BCAT1: variants seen among roughly 807,000 people sequenced by gnomAD.
BCAT1 encodes branched-chain-amino-acid aminotransferase, cytosolic.
A neutral mutation model predicts 52.4 loss-of-function variants in BCAT1; 48 were observed. The observed-to-expected ratio is 0.92, with a 90% CI of 0.73 to 1.16. The LOEUF is 1.16. Among genes scored for constraint, BCAT1 ranks in the 50% most tolerant of loss-of-function variants. BCAT1 has a pLI of 0.00. For missense variants in BCAT1, 451 were observed against 457.1 expected (o/e 0.99, Z 0.12); for synonymous variants, 167 against 161.3 (o/e 1.04, Z -0.27).
chr12:24,885,077 G>A (rs192036417), intron 3 of BCAT1, among the ~76,000 whole-genome samples: 99 of 152,200 alleles, frequency 6.5e-4, no homozygotes, highest in Admixed American at 1.2e-3. Context: ...TGTACAACCA[G>A]TATAAAGCAA....
At chr12:24,924,094 CT>C (rs36124065) in intron 1 of BCAT1, among the ~76,000 whole-genome samples, 5 of 152,190 alleles carry the variant, frequency 3.3e-5, no homozygotes, top group African/African-American at 7.2e-5. Flanking sequence ...CGTTTCCTCC[CT>C]TTTTTTCCCC....
At chr12:24,834,123 G>A (rs990708253) in intron 8 of BCAT1, 27 of 978,472 alleles carry the variant, frequency 2.8e-5, no homozygotes, top group African/African-American at 3.5e-5. Context: ...ACTGTGCACG[G>A]CTTACCTATA....
chr12:24,849,982 C>T (rs2139465517), intron 5 of BCAT1, 33 bp from the exon 6 acceptor site: 1 of 1,549,396 alleles, frequency 6.5e-7, no homozygotes, highest in East Asian at 2.3e-5. Flanking sequence ...ACAACTGTAA[C>T]TTAAAATGTG....
At position 24,894,484 on chromosome 12, in the gene BCAT1, G is replaced by T. The variant is rs764023145; in HGVS notation, c.79-9C>A. 8.3e-6 allele frequency: 13 copies of T among 1,568,648 alleles called. No individual in the cohort carries two copies. The highest frequency in any genetic ancestry group is 1.7e-4 in the Middle Eastern group (1 of 5,992). ...ACTATTAGGTCTTTAGCCTGGGGAA[G>T]AAAAATCATCACTATTTACAGAAAA... On this transcript the variant is annotated splice_polypyrimidine_tract_variant and intron_variant, in intron 2 of 10. Coordinates refer to ENST00000261192, the MANE Select transcript of BCAT1 (RefSeq NM_005504.7).
At chr12:24,861,174 C>G (rs1941839564) in intron 5 of BCAT1, among the ~76,000 whole-genome samples, 1 of 151,992 alleles carries the variant, frequency 6.6e-6, no homozygotes, top group African/African-American at 2.4e-5. Flanking sequence ...TTAGATTGAC[C>G]CTGTTTGTTC....
At chr12:24,873,269 T>A (rs530127691) in intron 5 of BCAT1, among the ~76,000 whole-genome samples, 1 of 152,238 alleles carries the variant, frequency 6.6e-6, no homozygotes, top group African/African-American at 2.4e-5. Context: ...CCAACTGATA[T>A]GTAATCAGCA....
chr12:24,934,879 A>T (rs929299313), intron 1 of BCAT1, among the ~76,000 whole-genome samples: 1 of 152,164 alleles, frequency 6.6e-6, no homozygotes, highest in Non-Finnish European at 1.5e-5. Flanking sequence ...CACTTGCCAC[A>T]TCTCAGTTTT....
At chr12:24,865,135 G>A (rs1001696265) in intron 5 of BCAT1, among the ~76,000 whole-genome samples, 3 of 151,980 alleles carry the variant, frequency 2.0e-5, no homozygotes, top group African/African-American at 7.3e-5. Context: ...CACCTTCAAA[G>A]GCATTTTTAT....
At chr12:24,902,239 T>C (rs1001632231) in intron 1 of BCAT1, 1 of 1,352,480 alleles carries the variant, frequency 7.4e-7, no homozygotes. Flanking sequence ...GACTGGGGTG[T>C]TAAGCCATTT....
chr12:24,850,963 T>A (rs1941491379), intron 5 of BCAT1, among the ~76,000 whole-genome samples: 1 of 152,170 alleles, frequency 6.6e-6, no homozygotes. Flanking sequence ...TAGAAGACCA[T>A]CTTTCCCACA....
chr12:24,816,296 T>C lies in BCAT1; in HGVS notation c.*1712A>G, dbSNP rs1939872530. On this transcript the variant is annotated 3_prime_UTR_variant, in exon 11 of 11. Coordinates refer to ENST00000261192, the MANE Select transcript of BCAT1 (RefSeq NM_005504.7). ...TAGAATCCTTTTTATTTTCCTTCTC[T>C]GAAAAGAGAATAAAATATGTTCAGC... 1 of 387,870 alleles carries C rather than the reference T, an allele frequency of 2.6e-6. No homozygotes were observed. Among genetic ancestry groups the C allele is most frequent in the Non-Finnish European group, 4.5e-6 (1 of 219,822 alleles). 24.0% of individuals were successfully genotyped at this position (387,870 alleles called of 1,614,324 possible).
chr12:24,858,890 G>T (rs1253609409), intron 5 of BCAT1, among the ~76,000 whole-genome samples: 1 of 152,252 alleles, frequency 6.6e-6, no homozygotes, highest in Non-Finnish European at 1.5e-5. Flanking sequence ...GTTTGAGTAA[G>T]TTGTGGGAGG....
intron 5 of BCAT1, among the ~76,000 whole-genome samples, chr12:24,856,764 G>C (rs960906318): frequency 2.6e-5 from 4 of 152,202 alleles, no homozygotes; most frequent in African/African-American, 4.8e-5. Context: ...CCACAGGATA[G>C]AATGCAGGCC....
rs1197540077 is a variant in BCAT1, at chr12:24,814,792, G to C, written c.*3216C>G. On this transcript the variant is annotated 3_prime_UTR_variant, in exon 11 of 11. Coordinates refer to ENST00000261192, the MANE Select transcript of BCAT1 (RefSeq NM_005504.7). ...TGCTTTCTTGCTACTGCCTGCCTCT[G>C]CCTCTGTTTGTTTTTTTTTTTTTTT... 2.2e-5 allele frequency: 3 copies of C among 134,508 alleles called. No individual in the cohort carries two copies. The highest frequency in any genetic ancestry group is 8.2e-5 in the African/African-American group (3 of 36,718). 8.3% of individuals were successfully genotyped at this position (134,508 alleles called of 1,614,324 possible).
intron 5 of BCAT1, among the ~76,000 whole-genome samples, chr12:24,875,297 A>G (rs903165719): frequency 6.6e-6 from 1 of 152,236 alleles, no homozygotes; most frequent in African/African-American, 2.4e-5. Flanking sequence ...ACATTATTGG[A>G]TGTTATTTGT....
chr12:24,877,698 TA>T (rs1942385763), intron 5 of BCAT1, among the ~76,000 whole-genome samples: 1 of 152,182 alleles, frequency 6.6e-6, no homozygotes, highest in African/African-American at 2.4e-5. Context: ...CCCTAAATTT[TA>T]AAACCATTTC....
At position 24,853,588 on chromosome 12, in the gene BCAT1, A is replaced by G. The variant is rs545117938; in HGVS notation, c.511-3639T>C. 2.9e-4 allele frequency among the ~76,000 whole-genome samples: 44 copies of G among 152,224 alleles called. No homozygotes were observed. The East Asian group carries it at 7.1e-3, about 25-fold the overall frequency. ...AACAAACTTGCACATGTAACTCCTG[A>G]CTCTCACATAAATTTTTTTTAATTA... On this transcript the variant is annotated intron_variant, in intron 5 of 10. Coordinates refer to ENST00000261192, the MANE Select transcript of BCAT1 (RefSeq NM_005504.7).
chr12:24,928,624 G>A (rs1943629820), intron 1 of BCAT1, among the ~76,000 whole-genome samples: 1 of 112,340 alleles, frequency 8.9e-6, no homozygotes, highest in Admixed American at 1.1e-4. Flanking sequence ...TACAGAGCGA[G>A]ACAGTCTCAA....
At chr12:24,824,284 C>T (rs184575856) in intron 10 of BCAT1, among the ~76,000 whole-genome samples, 454 of 36,020 alleles carry the variant, frequency 0.013, 54 homozygotes, top group Middle Eastern at 0.065. Flanking sequence ...CCCTCCCTCC[C>T]TCCCTCCCTC....
Sources: gnomAD v4.1 joint callset for allele counts (sites outside exome capture counted in the v4.1 genomes callset) on GRCh38, gnomAD v4.1.1 for gene constraint, MANE v1.5 for transcripts, NCBI Gene and HGNC (gene_info 2026-07-23, HGNC 2026-07-21) for gene names.